NPTN: variants seen among roughly 807,000 people sequenced by gnomAD.
NPTN encodes neuroplastin.
A neutral mutation model predicts 42.7 loss-of-function variants in NPTN; 5 were observed. That is an observed-to-expected ratio of 0.12 (90% CI 0.06 to 0.25). The LOEUF is 0.25. NPTN is among the 10% of genes least tolerant of loss of function. The pLI is 1.00. For synonymous variants in NPTN, 180 were observed against 201.9 expected, an observed-to-expected ratio of 0.89 and a Z score of 0.92; for missense variants, 307 against 525.4, an observed-to-expected ratio of 0.58 and a Z score of 4.06.
intron 1 of NPTN, among the ~76,000 whole-genome samples, chr15:73,629,732 A>G (rs192042826): frequency 1.1e-4 from 16 of 152,240 alleles, no homozygotes; most frequent in African/African-American, 2.4e-4. Flanking sequence ...GCTAACATCT[A>G]TAACACTCCC....
intron 6 of NPTN, among the ~76,000 whole-genome samples, chr15:73,563,858 C>A (rs1894829952): frequency 6.6e-6 from 1 of 152,160 alleles, no homozygotes; most frequent in East Asian, 1.9e-4. Context: ...TGGGCTATGC[C>A]AGCAACAAGT....
intron 2 of NPTN, among the ~76,000 whole-genome samples, chr15:73,592,526 C>T (rs1896643579): frequency 6.6e-6 from 1 of 152,286 alleles, no homozygotes; most frequent in Middle Eastern, 3.4e-3. Flanking sequence ...CATTTATATA[C>T]CTATTATAAT....
chr15:73,561,782 G>GAAATGAACTA, intron 8 of NPTN, 114 bp downstream of exon 8: 1 of 811,362 alleles, frequency 1.2e-6, no homozygotes. Flanking sequence ...CAGCTGCTCT[G>GAAATGAACTA]AAATGAACTA....
At chr15:73,568,591 C>T in intron 6 of NPTN, 1 of 985,404 alleles carries the variant, frequency 1.0e-6, no homozygotes, top group South Asian at 4.7e-5. Context: ...AAAGAAATAC[C>T]TGGAGAGAAA....
chr15:73,632,324 C>T (rs1595983141), intron 1 of NPTN, among the ~76,000 whole-genome samples: 2 of 150,538 alleles, frequency 1.3e-5, no homozygotes, highest in Non-Finnish European at 3.0e-5. Flanking sequence ...CACCTCAGTT[C>T]CAACCCTTTC....
chr15:73,626,349 G>C (rs1898409051), intron 1 of NPTN, among the ~76,000 whole-genome samples: 1 of 152,168 alleles, frequency 6.6e-6, no homozygotes, highest in Non-Finnish European at 1.5e-5. Flanking sequence ...TAGATTTAGA[G>C]GCATTTAGAT....
chr15:73,574,412 A>AT (rs539732756), intron 4 of NPTN, among the ~76,000 whole-genome samples: 30 of 150,402 alleles, frequency 2.0e-4, no homozygotes, highest in South Asian at 1.3e-3. Context: ...GTCCCAAGAG[A>AT]TTTTTTTTTT....
chr15:73,595,887 T>A (rs1276772711), intron 2 of NPTN, among the ~76,000 whole-genome samples: 1 of 149,152 alleles, frequency 6.7e-6, no homozygotes, highest in Non-Finnish European at 1.5e-5. Context: ...AAAGTCCCGG[T>A]GTCATATGTC....
At chr15:73,633,064 G>T in intron 1 of NPTN, 61 bp downstream of exon 1, 1 of 1,202,524 alleles carries the variant, frequency 8.3e-7, no homozygotes, top group South Asian at 1.9e-5. Flanking sequence ...CCAGAGCCGG[G>T]CCCCCTCCGG....
At chr15:73,577,566 C>A (rs1167064401) in intron 4 of NPTN, among the ~76,000 whole-genome samples, 10 of 152,190 alleles carry the variant, frequency 6.6e-5, no homozygotes, top group Non-Finnish European at 1.3e-4. Flanking sequence ...CCAAAACAGA[C>A]TCCCTTCTTG....
Position 73,560,583 on chromosome 15 carries a change from A to T in NPTN, c.*480T>A, listed in dbSNP as rs1350832382. The T allele has an allele frequency of 6.6e-6, 1 of 150,926 alleles. No individual in the cohort carries two copies. Among genetic ancestry groups the T allele is most frequent in the Non-Finnish European group, 1.5e-5 (1 of 67,722 alleles). 9.3% of individuals were successfully genotyped at this position (150,926 alleles called of 1,614,324 possible). On this transcript the variant is annotated 3_prime_UTR_variant, in exon 9 of 9. Coordinates refer to ENST00000345330, the MANE Select transcript of NPTN (RefSeq NM_012428.4). ...TCAGCAGCTTAAAAATGAAACAAGCATTTACTTTATTTTGGATTTCTCCCA... is the reference window on the plus strand; with the variant it reads ...TCAGCAGCTTAAAAATGAAACAAGCTTTTACTTTATTTTGGATTTCTCCCA...
rs750118732 is a variant in NPTN at position 73,633,246 on chromosome 15, G to GGCCGGGGCCAGA, written c.-43_-32dup. On this transcript the variant is annotated 5_prime_UTR_variant, in exon 1 of 9. Coordinates refer to ENST00000345330, the MANE Select transcript of NPTN (RefSeq NM_012428.4). Reference sequence around the variant, plus strand: ...CTAGCAGAAGACCCAACAGCGAATGGGCCGGGGCCAGAGCCGGGGCCGGGG... The same window carrying GGCCGGGGCCAGA: ...CTAGCAGAAGACCCAACAGCGAATGGGCCGGGGCCAGAGCCGGGGCCAGAGCCGGGGCCGGGG... 50 of 1,468,012 alleles carry GGCCGGGGCCAGA rather than the reference G, an allele frequency of 3.4e-5. No homozygotes were observed. The highest frequency in any genetic ancestry group is 4.4e-5 in the Non-Finnish European group (48 of 1,101,344). 90.9% of individuals were successfully genotyped at this position (1,468,012 alleles called of 1,614,324 possible).
intron 1 of NPTN, among the ~76,000 whole-genome samples, chr15:73,605,169 G>A (rs890515646): frequency 6.6e-6 from 1 of 151,072 alleles, no homozygotes; most frequent in African/African-American, 2.5e-5. Flanking sequence ...AAAGCAGTGT[G>A]GAAGAAACTG....
At chr15:73,584,844 C>T (rs1283886584) in intron 4 of NPTN, among the ~76,000 whole-genome samples, 1 of 151,870 alleles carries the variant, frequency 6.6e-6, no homozygotes, top group East Asian at 1.9e-4. Flanking sequence ...TGTAGATACT[C>T]CTATCCTCCA....
rs75660208 is a variant in NPTN at position 73,570,426 on chromosome 15, G to A, written c.841-3C>T. 5.6e-3 allele frequency: 8,934 copies of A among 1,606,426 alleles called. 413 individuals carry two copies. The African/African-American group carries it at 0.1, about 18-fold the overall frequency. ...CGGCCAGAGGTATTGACAATGTCCT[G>A]CAAAAAAGTGAGAATACACAAAGGT... On this transcript the variant is annotated splice_region_variant and splice_polypyrimidine_tract_variant and intron_variant, in intron 5 of 8. Coordinates refer to ENST00000345330, the MANE Select transcript of NPTN (RefSeq NM_012428.4). The surrounding 1 kb of genome is among the most constrained non-coding windows in gnomAD (Gnocchi z 4.0).
intron 4 of NPTN, among the ~76,000 whole-genome samples, chr15:73,585,484 C>T (rs966297939): frequency 1.3e-5 from 2 of 152,200 alleles, no homozygotes; most frequent in African/African-American, 4.8e-5. Flanking sequence ...AGAATATGAT[C>T]CTGGGCCTAT....
At chr15:73,564,888 C>T (rs1002369418) in intron 6 of NPTN, among the ~76,000 whole-genome samples, 1 of 152,214 alleles carries the variant, frequency 6.6e-6, no homozygotes, top group Non-Finnish European at 1.5e-5. Context: ...ATCAAGAATA[C>T]ACCAATCTAC....
intron 6 of NPTN, chr15:73,567,103 T>G: frequency 1.0e-6 from 1 of 981,054 alleles, no homozygotes; most frequent in Non-Finnish European, 1.2e-6. Flanking sequence ...GAAACATACT[T>G]AAACTAAACT....
chr15:73,568,719 G>A (rs1471751816), intron 6 of NPTN: 32 of 985,524 alleles, frequency 3.2e-5, no homozygotes, highest in Non-Finnish European at 3.7e-5. Flanking sequence ...TGCAGAGGCC[G>A]TCTGCTCCCA....
Sources: gnomAD v4.1 joint callset for allele counts (sites outside exome capture counted in the v4.1 genomes callset) on GRCh38, gnomAD v4.1.1 for gene constraint, Gnocchi (gnomAD v3.1) non-coding constraint, MANE v1.5 for transcripts, NCBI Gene and HGNC (gene_info 2026-07-23, HGNC 2026-07-21) for gene names.